Variants in RORA observed in about 807,000 individuals in gnomAD.
RORA encodes the protein nuclear receptor ROR-alpha.
In RORA, 7 loss-of-function variants were observed where a neutral mutation model predicts 69.5. That is an observed-to-expected ratio of 0.10 (90% CI 0.06 to 0.19). RORA has a LOEUF of 0.19. Among genes scored for constraint, RORA ranks in the 10% least tolerant of loss-of-function variants. The pLI, the probability that RORA is intolerant of heterozygous loss-of-function variation, is 1.00. For synonymous variants in RORA, 261 were observed against 240.8 expected (o/e 1.08, Z -0.78); for missense variants, 457 against 663.0 (o/e 0.69, Z 3.41).
At chr15:60,740,093 G>A (rs2071555207) in intron 1 of RORA, among the ~76,000 whole-genome samples, 1 of 152,090 alleles carries the variant, frequency 6.6e-6, no homozygotes, top group Admixed American at 6.6e-5. Context: ...CTGGAAAGGG[G>A]ACTTGAGATT....
intron 2 of RORA, among the ~76,000 whole-genome samples, chr15:60,541,134 T>TA (rs949316485): frequency 1.3e-5 from 2 of 152,234 alleles, no homozygotes; most frequent in African/African-American, 2.4e-5. Context: ...AGCGGAAGTG[T>TA]AAATGTTTTC....
intron 1 of RORA, among the ~76,000 whole-genome samples, chr15:61,113,658 T>C (rs756026452): frequency 1.3e-5 from 2 of 152,216 alleles, no homozygotes; most frequent in Non-Finnish European, 2.9e-5. Flanking sequence ...TGAGCCTGTT[T>C]TTTTAAAATT....
At chr15:60,593,334 A>G (rs1406183076) in intron 2 of RORA, 1 of 154,942 alleles carries the variant, frequency 6.5e-6, no homozygotes, top group African/African-American at 2.4e-5. Context: ...TTGAGCCGCT[A>G]AATTCCCAGG....
chr15:60,540,208 C>T (rs1346889970), intron 2 of RORA, among the ~76,000 whole-genome samples: 3 of 152,018 alleles, frequency 2.0e-5, no homozygotes. Context: ...CTTTTTTTCT[C>T]CTTAACAGGA....
At chr15:61,224,427 T>C (rs566631803) in intron 1 of RORA, among the ~76,000 whole-genome samples, 1 of 152,292 alleles carries the variant, frequency 6.6e-6, no homozygotes, top group East Asian at 1.9e-4. Context: ...TCCACAGAAG[T>C]GTAAGCTAAG....
chr15:60,730,042 A>G (rs1388993748), intron 1 of RORA, among the ~76,000 whole-genome samples: 1 of 152,214 alleles, frequency 6.6e-6, no homozygotes, highest in Non-Finnish European at 1.5e-5. Flanking sequence ...GCCAGCACAA[A>G]TAAAACCATG....
At chr15:60,910,736 C>T in intron 1 of RORA, among the ~76,000 whole-genome samples, 1 of 152,130 alleles carries the variant, frequency 6.6e-6, no homozygotes, top group East Asian at 1.9e-4. Context: ...TCTCTTGATA[C>T]ATGCAAAATG....
rs140813347 is a variant in RORA, at chr15:61,128,214, T to TGC, written c.166+100838_166+100839insGC. On this transcript the variant is annotated intron_variant, in intron 1 of 10. Coordinates refer to ENST00000335670, the MANE Select transcript of RORA (RefSeq NM_134261.3). The surrounding 1 kb of genome is among the most constrained non-coding windows in gnomAD (Gnocchi z 4.5). ...GTGTGTGTATGCACACGTGTGTGTG[T>TGC]GTGTGTGTGTCTGTGTGTGAGTGTG... 2.4e-4 allele frequency among the ~76,000 whole-genome samples: 37 copies of TGC among 152,020 alleles called. 2 individuals carry two copies. The South Asian group carries it at 6.5e-3, about 27-fold the overall frequency.
At chr15:60,761,524 G>A (rs1324528815) in intron 1 of RORA, among the ~76,000 whole-genome samples, 2 of 152,090 alleles carry the variant, frequency 1.3e-5, no homozygotes, top group East Asian at 1.9e-4. Flanking sequence ...AAAAAATTAT[G>A]TTTTATCCCA....
At chr15:60,712,880 A>G (rs1167222573) in intron 1 of RORA, among the ~76,000 whole-genome samples, 1 of 152,170 alleles carries the variant, frequency 6.6e-6, no homozygotes, top group East Asian at 1.9e-4. Flanking sequence ...AAAACCCTGA[A>G]GATGAAAATA....
chr15:60,612,661 GTTTTTTTTTTT>G (rs71122864), intron 2 of RORA, among the ~76,000 whole-genome samples: 1,825 of 107,214 alleles, frequency 0.017, 46 homozygotes, highest in African/African-American at 0.056. Flanking sequence ...CTCTCTCTCT[GTTTTTTTTTTT>G]TTTTTTTTTT....
chr15:60,999,000 G>A (rs1894660520), intron 1 of RORA, among the ~76,000 whole-genome samples: 1 of 152,126 alleles, frequency 6.6e-6, no homozygotes. Context: ...TTGCCAGGGG[G>A]AGAGGGGGAT....
chr15:60,969,361 A>G (rs1053514051), intron 1 of RORA, among the ~76,000 whole-genome samples: 3 of 152,156 alleles, frequency 2.0e-5, no homozygotes, highest in Non-Finnish European at 4.4e-5. Flanking sequence ...TGTTACTATC[A>G]TTATTTCTTT....
intron 1 of RORA, among the ~76,000 whole-genome samples, chr15:60,975,267 A>C (rs1893843790): frequency 1.3e-5 from 2 of 152,196 alleles, no homozygotes; most frequent in South Asian, 4.1e-4. Flanking sequence ...ATCCGTCATA[A>C]CATACATTGT....
At chr15:61,076,329 G>C (rs1331509685) in intron 1 of RORA, among the ~76,000 whole-genome samples, 4 of 152,012 alleles carry the variant, frequency 2.6e-5, no homozygotes, top group Non-Finnish European at 5.9e-5. Flanking sequence ...TCTCTTCCCA[G>C]GATCTCACTT....
chr15:61,154,340 G>T (rs775726209), intron 1 of RORA, among the ~76,000 whole-genome samples: 2 of 152,096 alleles, frequency 1.3e-5, no homozygotes, highest in Admixed American at 6.6e-5. Context: ...GACCATCAGC[G>T]AACTGCTGGT....
chr15:60,536,626 G>A (rs2066687967), intron 2 of RORA, among the ~76,000 whole-genome samples: 1 of 152,248 alleles, frequency 6.6e-6, no homozygotes, highest in South Asian at 2.1e-4. Context: ...ATAGACCCAA[G>A]GTTACCCCAA....
At chr15:60,754,171 A>G (rs1397018867) in intron 1 of RORA, among the ~76,000 whole-genome samples, 1 of 152,236 alleles carries the variant, frequency 6.6e-6, no homozygotes, top group Non-Finnish European at 1.5e-5. Flanking sequence ...TATTCACAAT[A>G]TAGCATGAGG....
At chr15:60,672,134 T>G (rs1657796) in intron 2 of RORA, among the ~76,000 whole-genome samples, 2,597 of 152,256 alleles carry the variant, frequency 0.017, 81 homozygotes, top group East Asian at 0.091. Context: ...GTAGACTACT[T>G]TGTTTAAATA....
Sources: allele counts gnomAD v4.1 joint callset (sites outside exome capture counted in the v4.1 genomes callset), GRCh38; gene constraint gnomAD v4.1.1; non-coding constraint Gnocchi (gnomAD v3.1); transcripts MANE v1.5; gene names NCBI Gene and HGNC (gene_info 2026-07-23, HGNC 2026-07-21).